IGHMBP2: variants seen among roughly 807,000 people sequenced by gnomAD.
The protein encoded by IGHMBP2 is immunoglobulin mu DNA binding protein 2, also known as DNA-binding protein SMUBP-2.
Under a neutral mutation model 96.0 loss-of-function variants are expected in IGHMBP2, and 81 were observed. The observed-to-expected ratio is 0.84, with a 90% CI of 0.71 to 1.01. The LOEUF is 1.01. Ranked by LOEUF, IGHMBP2 falls within the 50% of genes least tolerant of loss-of-function variation. The pLI is 0.00. For missense variants in IGHMBP2, 1,227 were observed against 1,306.3 expected, an observed-to-expected ratio of 0.94 and a Z score of 0.94; for synonymous variants, 557 against 548.9, an observed-to-expected ratio of 1.01 and a Z score of -0.21.
intron 7 of IGHMBP2, among the ~76,000 whole-genome samples, chr11:68,925,802 A>G (rs1227870179): frequency 6.6e-6 from 1 of 152,166 alleles, no homozygotes; most frequent in Admixed American, 6.5e-5. Context: ...CTGATGGGAA[A>G]GCAGCTATTG....
intron 8 of IGHMBP2, among the ~76,000 whole-genome samples, chr11:68,931,788 G>A (rs529832232): frequency 6.6e-6 from 1 of 152,218 alleles, no homozygotes; most frequent in Admixed American, 6.5e-5. Context: ...CTTAAAGGAG[G>A]TCTTCATCCT....
intron 1 of IGHMBP2, among the ~76,000 whole-genome samples, chr11:68,904,511 C>T (rs1858096719): frequency 6.6e-6 from 1 of 152,054 alleles, no homozygotes; most frequent in African/African-American, 2.4e-5. Flanking sequence ...GCGTGCGTGT[C>T]GCGGGGAAAG....
rs369205188 is a variant in IGHMBP2, at chr11:68,936,950, G to A, written c.2470G>A (p.Gly824Ser). The A allele has an allele frequency of 3.1e-6, 5 of 1,604,560 alleles. No individual in the cohort carries two copies. In the African/African-American group the frequency reaches 6.7e-5, roughly 21 times the overall value. ...AGAGCAGCCTCCCAGGGAGCAGCGT[G>A]GCCCAGACCAGCCTGATCTGAGGAC... ...QTEQPPREQR[G>S]PDQPDLRTLH... Residue 824 changes from glycine (G) to serine (S), a missense_variant, in exon 13 of 15, where the codon GGC (glycine) becomes AGC (serine). Coordinates refer to ENST00000255078, the MANE Select transcript of IGHMBP2 (RefSeq NM_002180.3).
At chr11:68,912,514 GT>G (rs35731883) in intron 5 of IGHMBP2, among the ~76,000 whole-genome samples, 110,748 of 147,454 alleles carry the variant, frequency 0.75, 42,427 homozygotes, top group Non-Finnish European at 0.84. Flanking sequence ...CACATGGAGA[GT>G]TTTTTTTTTT....
chr11:68,928,732 G>GCCCCGAAGGGGTGATTAATTTT (rs1566439171), intron 7 of IGHMBP2, among the ~76,000 whole-genome samples: 1 of 152,142 alleles, frequency 6.6e-6, no homozygotes, highest in African/African-American at 2.4e-5. Context: ...GTCCCAGGAA[G>GCCCCGAAGGGGTGATTAATTTT]GAAAAGCTGC....
chr11:68,908,530 G>T lies in IGHMBP2; in HGVS notation c.450-4G>T, dbSNP rs1245883285. 2 of 1,611,494 alleles carry T rather than the reference G, an allele frequency of 1.2e-6. No homozygotes were observed. Among genetic ancestry groups the T allele is most frequent in the African/African-American group, 2.7e-5 (2 of 74,842 alleles). On this transcript the variant is annotated splice_region_variant and splice_polypyrimidine_tract_variant and intron_variant, in intron 3 of 14. Transcript: ENST00000255078. ...GTTCTAATTTTAGTTTTCTCCCTTG[G>T]CAGAGCCCTGATTGCTCTAAAGAAG...
intron 5 of IGHMBP2, 30 bp from the exon 6 acceptor site, chr11:68,914,791 TAA>T (rs757860644): frequency 6.2e-7 from 1 of 1,612,218 alleles, no homozygotes; most frequent in South Asian, 1.1e-5. Flanking sequence ...GATTACAAAG[TAA>T]ATGACCAGAT....
chr11:68,937,379 C>T lies in IGHMBP2; in HGVS notation c.2611+288C>T, dbSNP rs116133607. On this transcript the variant is annotated intron_variant, in intron 13 of 14. Coordinates refer to ENST00000255078, the MANE Select transcript of IGHMBP2 (RefSeq NM_002180.3). ...AGCAGGAGGGGCCTGGAAGAGCAAA[C>T]ATGGATGGCTCCCTGGAGCCCCTCG... Among the ~76,000 whole-genome samples, 721 of 152,346 alleles carry T rather than the reference C, an allele frequency of 4.7e-3. 4 individuals carry two copies. Among genetic ancestry groups the T allele is most frequent in the African/African-American group, 0.017 (689 of 41,572 alleles).
At chr11:68,927,535 CAT>C (rs1007696383) in intron 7 of IGHMBP2, among the ~76,000 whole-genome samples, 14 of 152,330 alleles carry the variant, frequency 9.2e-5, no homozygotes, top group African/African-American at 3.4e-4. Context: ...GAGCCCTGTA[CAT>C]GTGTGTGGCC....
At position 68,904,803 on chromosome 11, in the gene IGHMBP2, C is replaced by CTTTTCTTTTTTTTTTTTTTT. The variant is rs892709461; in HGVS notation, c.86+769_86+770insCTTTTTTTTTTTTTTTTTTT. Among the ~76,000 whole-genome samples the CTTTTCTTTTTTTTTTTTTTT allele has an allele frequency of 1.8e-4, 22 of 120,992 alleles. 1 individual carries two copies. Among genetic ancestry groups the CTTTTCTTTTTTTTTTTTTTT allele is most frequent in the Non-Finnish European group, 3.1e-4 (18 of 58,306 alleles). 79.4% of individuals were successfully genotyped at this position (120,992 alleles called of 152,430 possible). ...GTGTAAGTTTCTTTTTTTTCTTTTT[C>CTTTTCTTTTTTTTTTTTTTT]TTTTTTTTTTTTTTAGACAGAGTCT... is the stretch of plus-strand genomic sequence containing the variant. On this transcript the variant is annotated intron_variant, in intron 1 of 14. Coordinates refer to ENST00000255078, the MANE Select transcript of IGHMBP2 (RefSeq NM_002180.3).
At chr11:68,906,960 A>G (rs920036198) in intron 2 of IGHMBP2, among the ~76,000 whole-genome samples, 5 of 151,304 alleles carry the variant, frequency 3.3e-5, no homozygotes, top group Admixed American at 1.3e-4. Flanking sequence ...ATTTCTTAAT[A>G]TGGCTACTAG....
chr11:68,933,381 G>A lies in IGHMBP2; in HGVS notation c.1318G>A (p.Val440Met). The A allele has an allele frequency of 6.2e-7, 1 of 1,613,092 alleles. No homozygotes were observed. The highest frequency in any genetic ancestry group is 1.1e-5 in the South Asian group (1 of 90,868). Reference sequence around the variant, plus strand: ...CGCGAGGGTGGTGCGGACACTGACGGTGCAGTACCGCATGCACCAGGCTAT... The same window carrying A: ...CGCGAGGGTGGTGCGGACACTGACGATGCAGTACCGCATGCACCAGGCTAT... ...YGARVVRTLTVQYRMHQAIMR... is the reference protein window; with the variant it reads ...YGARVVRTLTMQYRMHQAIMR... The change falls in exon 9 of 15, where the codon GTG becomes ATG. Residue 440 changes from valine (V) to methionine (M), a missense_variant. Transcript: ENST00000255078.
intron 14 of IGHMBP2, among the ~76,000 whole-genome samples, chr11:68,939,318 TC>T (rs1026004840): frequency 9.9e-5 from 15 of 152,052 alleles, no homozygotes; most frequent in Admixed American, 4.6e-4. Flanking sequence ...TGGTGCCATT[TC>T]CTGTGTGCAC....
chr11:68,934,247 A>T (rs1022053363), intron 10 of IGHMBP2: 1 of 647,528 alleles, frequency 1.5e-6, no homozygotes, highest in African/African-American at 1.8e-5. Flanking sequence ...GCACGGCCAT[A>T]GGAGTCAAAA....
In IGHMBP2 at chr11:68,915,166, C is replaced by CCTT. The variant is rs1191505010; in HGVS notation, c.912+143_912+144insCTT. ...TAATAATTTTAAAAATTGGGCTGCCCTTTTTTTTTTTTTTTTTTTTTTTTT... is the reference window on the plus strand; with the variant it reads ...TAATAATTTTAAAAATTGGGCTGCCCCTTTTTTTTTTTTTTTTTTTTTTTTTTT... On this transcript the variant is annotated intron_variant, in intron 6 of 14. Coordinates refer to ENST00000255078, the MANE Select transcript of IGHMBP2 (RefSeq NM_002180.3). 5.0e-3 allele frequency: 1,037 copies of CCTT among 206,518 alleles called. 68 individuals carry two copies. In the African/African-American group the frequency reaches 0.052, roughly 10 times the overall value. 12.8% of individuals were successfully genotyped at this position (206,518 alleles called of 1,614,324 possible).
chr11:68,933,651 G>T, intron 9 of IGHMBP2, 144 bp from the exon 10 acceptor site: 2 of 997,198 alleles, frequency 2.0e-6, no homozygotes, highest in Non-Finnish European at 3.1e-6. Flanking sequence ...GGTCAGGCCC[G>T]CTCCCTCCCT....
chr11:68,912,116 T>C (rs1858461263), intron 5 of IGHMBP2, among the ~76,000 whole-genome samples: 1 of 152,234 alleles, frequency 6.6e-6, no homozygotes, highest in Admixed American at 6.5e-5. Context: ...CACTTACATT[T>C]TAAATTTTTT....
intron 3 of IGHMBP2, 54 bp from the exon 4 acceptor site, chr11:68,908,480 G>C: frequency 6.7e-7 from 1 of 1,502,854 alleles, no homozygotes. Context: ...CATTGGGGCA[G>C]AGGCTCGGGC....
chr11:68,916,056 C>T (rs1858655047), intron 6 of IGHMBP2, among the ~76,000 whole-genome samples: 1 of 151,310 alleles, frequency 6.6e-6, no homozygotes, highest in Non-Finnish European at 1.5e-5. Flanking sequence ...CACCTGTATT[C>T]CCAGCCACTT....
Sources: allele counts gnomAD v4.1 joint callset (sites outside exome capture counted in the v4.1 genomes callset), GRCh38; gene constraint gnomAD v4.1.1; transcripts MANE v1.5; gene names NCBI Gene and HGNC (gene_info 2026-07-23, HGNC 2026-07-21).